Variants in DOCK9 observed in about 807,000 individuals in gnomAD.
DOCK9 encodes dedicator of cytokinesis protein 9.
A neutral mutation model predicts 263.3 loss-of-function variants in DOCK9; 89 were observed. That is an observed-to-expected ratio of 0.34 (90% CI 0.28 to 0.40). The LOEUF (loss-of-function observed/expected upper bound fraction) is 0.40. Ranked by LOEUF, DOCK9 falls within the 10% of genes least tolerant of loss-of-function variation. The pLI, the probability that DOCK9 is intolerant of heterozygous loss-of-function variation, is 1.00. For missense variants in DOCK9, 2,140 were observed against 2,603.4 expected (o/e 0.82, Z 3.87); for synonymous variants, 976 against 973.1 (o/e 1.00, Z -0.06).
In DOCK9 at chr13:98,797,138, G is replaced by A. The variant is rs1457540062; in HGVS notation, c.6133C>T (p.Leu2045Phe). ...KANYREMAKE[L>F]SEIMHEQICP... ...ACCTGCTCATGCATGATTTCAGAAAGCTCCTTCGCCATTTCCCTGTAGTTG... is the reference window on the plus strand; with the variant it reads ...ACCTGCTCATGCATGATTTCAGAAAACTCCTTCGCCATTTCCCTGTAGTTG... The change falls in exon 52 of 53, where the codon CTT (leucine) becomes TTT (phenylalanine). Residue 2045 changes from leucine to phenylalanine, a missense_variant. Transcript: ENST00000682017. 6.2e-7 allele frequency: 1 copy of A among 1,614,004 alleles called. No individual in the cohort carries two copies. The highest frequency in any genetic ancestry group is 8.5e-7 in the Non-Finnish European group (1 of 1,179,886).
chr13:98,998,737 G>A (rs77134422), intron 1 of DOCK9, among the ~76,000 whole-genome samples: 5,265 of 152,198 alleles, frequency 0.035, 215 homozygotes, highest in African/African-American at 0.097. Flanking sequence ...GCACAGACTC[G>A]TTGGGACCCC....
chr13:99,018,825 A>T (rs1885733941), intron 1 of DOCK9, among the ~76,000 whole-genome samples: 1 of 152,224 alleles, frequency 6.6e-6, no homozygotes, highest in Admixed American at 6.5e-5. Flanking sequence ...TTCAATTTGG[A>T]GATCACATTT....
At chr13:99,021,134 T>C (rs1319530196) in intron 1 of DOCK9, among the ~76,000 whole-genome samples, 1 of 152,220 alleles carries the variant, frequency 6.6e-6, no homozygotes, top group African/African-American at 2.4e-5. Flanking sequence ...TTAGAGTATC[T>C]GGCACAGAGC....
intron 1 of DOCK9, among the ~76,000 whole-genome samples, chr13:98,988,584 A>T (rs1227600852): frequency 6.6e-6 from 1 of 152,176 alleles, no homozygotes; most frequent in Non-Finnish European, 1.5e-5. Context: ...AGACAGACAA[A>T]ATCAACACCC....
chr13:98,958,948 CA>C (rs1389803313), intron 1 of DOCK9, among the ~76,000 whole-genome samples: 7 of 152,160 alleles, frequency 4.6e-5, no homozygotes, highest in Admixed American at 4.6e-4. Flanking sequence ...TGTTTCCCCC[CA>C]AGGTGTATCT....
intron 9 of DOCK9, among the ~76,000 whole-genome samples, chr13:98,909,642 A>G (rs1235062063): frequency 6.6e-6 from 1 of 152,202 alleles, no homozygotes; most frequent in Non-Finnish European, 1.5e-5. Context: ...CTCTTCACAA[A>G]GGAGGCCCAG....
chr13:98,868,571 C>G (rs1184696952), intron 27 of DOCK9, among the ~76,000 whole-genome samples, 194 bp from the exon 28 acceptor site: 1 of 152,054 alleles, frequency 6.6e-6, no homozygotes, highest in African/African-American at 2.4e-5. Context: ...TAAGACCAGC[C>G]CAGGCAACAT....
intron 9 of DOCK9, 84 bp from the exon 10 acceptor site, chr13:98,904,790 C>G: frequency 1.6e-6 from 2 of 1,240,510 alleles, no homozygotes; most frequent in Non-Finnish European, 2.2e-6. Context: ...GCTGCCCAGT[C>G]CTGAAGGTTG....
At chr13:98,869,248 C>A (rs975549103) in intron 27 of DOCK9, among the ~76,000 whole-genome samples, 1 of 152,226 alleles carries the variant, frequency 6.6e-6, no homozygotes, top group Admixed American at 6.5e-5. Flanking sequence ...TAGCAATTAG[C>A]TAACACTTAT....
intron 1 of DOCK9, among the ~76,000 whole-genome samples, chr13:99,002,714 T>C (rs9517537): frequency 0.21 from 32,057 of 152,190 alleles, 3,950 homozygotes; most frequent in East Asian, 0.43. Context: ...AACTTTTCCA[T>C]GCACTGTCCT....
At chr13:98,891,879 T>C (rs1324982) in intron 15 of DOCK9, among the ~76,000 whole-genome samples, 112,628 of 151,482 alleles carry the variant, frequency 0.74, 42,260 homozygotes, top group Middle Eastern at 0.9. Flanking sequence ...CAAAAGTTTA[T>C]GGTTTATGTT....
rs372052526 is a variant in DOCK9, at chr13:98,843,013, C to T, written c.4198+2911G>A. ...TGGTGCCTTCTTCCATGTCCTGTTA[C>T]CAGTGGTGATGGGGACAGACCTACA... On this transcript the variant is annotated intron_variant, in intron 38 of 52. Transcript: ENST00000682017. Among the ~76,000 whole-genome samples, 218 of 152,296 alleles carry T rather than the reference C, an allele frequency of 1.4e-3. 7 individuals are homozygous for T. In the South Asian group the frequency reaches 0.042, roughly 30 times the overall value.
At chr13:99,040,096 T>C (rs1888311636) in intron 1 of DOCK9, among the ~76,000 whole-genome samples, 1 of 152,194 alleles carries the variant, frequency 6.6e-6, no homozygotes, top group African/African-American at 2.4e-5. Flanking sequence ...GGGAGGTGAC[T>C]AAGCCCCAGG....
intron 35 of DOCK9, among the ~76,000 whole-genome samples, chr13:98,851,299 C>T (rs1302541982): frequency 1.3e-5 from 2 of 152,184 alleles, no homozygotes; most frequent in Non-Finnish European, 2.9e-5. Context: ...GGCCGCTTGG[C>T]CTATTAGACC....
At chr13:98,823,455 A>C (rs914092282) in intron 45 of DOCK9, among the ~76,000 whole-genome samples, 3 of 152,212 alleles carry the variant, frequency 2.0e-5, no homozygotes, top group Non-Finnish European at 4.4e-5. Context: ...CGTATGCCAC[A>C]CCGCTGTGGC....
chr13:99,061,698 C>T (rs957012772), intron 1 of DOCK9, among the ~76,000 whole-genome samples: 8 of 152,192 alleles, frequency 5.3e-5, no homozygotes, highest in African/African-American at 1.9e-4. Flanking sequence ...ACCCCCACTG[C>T]TCCCAGGCGA....
intron 1 of DOCK9, among the ~76,000 whole-genome samples, chr13:99,085,363 T>C (rs1171872315): frequency 6.6e-6 from 1 of 152,242 alleles, no homozygotes; most frequent in Admixed American, 6.5e-5. Flanking sequence ...CCAGCTGCCC[T>C]GCAGAGCTCG....
intron 2 of DOCK9, among the ~76,000 whole-genome samples, chr13:98,944,369 G>A (rs1392985606): frequency 9.5e-6 from 1 of 105,308 alleles, no homozygotes; most frequent in Non-Finnish European, 1.8e-5. Flanking sequence ...ACGTCACAGT[G>A]TCCACTATAT....
chr13:98,795,334 C>G (rs961114221), intron 52 of DOCK9, among the ~76,000 whole-genome samples: 3 of 152,184 alleles, frequency 2.0e-5, no homozygotes, highest in African/African-American at 4.8e-5. Context: ...TCCTCTGACC[C>G]TGAACAAGTA....
Sources: gnomAD v4.1 joint callset for allele counts (sites outside exome capture counted in the v4.1 genomes callset) on GRCh38, gnomAD v4.1.1 for gene constraint, MANE v1.5 for transcripts, NCBI Gene and HGNC (gene_info 2026-07-23, HGNC 2026-07-21) for gene names.